Variants in MSMO1 observed in about 807,000 individuals in gnomAD.
The protein encoded by MSMO1 is methylsterol monooxygenase 1.
In MSMO1, 18 loss-of-function variants were observed where a neutral mutation model predicts 30.4. The observed-to-expected ratio is 0.59, with a 90% CI of 0.41 to 0.88. The LOEUF (loss-of-function observed/expected upper bound fraction) is 0.88, where lower values mean the gene tolerates loss of function less well. Ranked by LOEUF, MSMO1 falls within the 40% of genes least tolerant of loss-of-function variation. The probability of loss-of-function intolerance (pLI) is 0.00; values close to 1 mark genes in which losing one functional copy is unlikely to be tolerated. For synonymous variants in MSMO1, 84 were observed against 107.9 expected (o/e 0.78, Z 1.37); for missense variants, 284 against 340.5 (o/e 0.83, Z 1.31).
In MSMO1 at chr4:165,333,292, T is replaced by C. The variant is rs1747449502; in HGVS notation, c.-31-48T>C. The C allele has an allele frequency of 1.3e-5, 19 of 1,472,264 alleles. No homozygotes were observed. The South Asian group carries it at 2.1e-4, about 16-fold the overall frequency. 91.2% of individuals were successfully genotyped at this position (1,472,264 alleles called of 1,614,324 possible). ...GATGCATTTTTTAACTGTTTTATTT[T>C]TTGAAAGCTCATTGTTTAACTTATT... On this transcript the variant is annotated intron_variant, in intron 1 of 5. Transcript: ENST00000261507.
chr4:165,330,119 A>G (rs553546772), intron 1 of MSMO1, among the ~76,000 whole-genome samples: 2 of 152,258 alleles, frequency 1.3e-5, no homozygotes, highest in Non-Finnish European at 2.9e-5. Flanking sequence ...GGTTTTATTT[A>G]TAATTATAGT....
Position 165,331,436 on chromosome 4 carries a change from A to G in MSMO1, c.-31-1904A>G, listed in dbSNP as rs189735859. ...CAAGTTCTTGAGGTAAGATAAGAAC[A>G]CAGGAAGACTAGTCAGTCTTAGAGG... On this transcript the variant is annotated intron_variant, in intron 1 of 5. Transcript: ENST00000261507. Among the ~76,000 whole-genome samples, 24 of 152,360 alleles carry G rather than the reference A, an allele frequency of 1.6e-4. No homozygotes were observed. The East Asian group carries it at 4.6e-3, about 29-fold the overall frequency.
At chr4:165,328,779 C>A (rs1747307487) in intron 1 of MSMO1, among the ~76,000 whole-genome samples, 1 of 152,220 alleles carries the variant, frequency 6.6e-6, no homozygotes. Context: ...TTCCCTCGCT[C>A]CTTTGTGAAA....
Position 165,340,220 on chromosome 4 carries a change from G to T in MSMO1, c.532-1G>T. 1 of 1,613,402 alleles carries T rather than the reference G, an allele frequency of 6.2e-7. No individual in the cohort carries two copies. The highest frequency in any genetic ancestry group is 8.5e-7 in the Non-Finnish European group (1 of 1,179,780). ...AAGAATTTCTTATCTGTTTGTCTTAGGCTCCATTTGGAATGGAAGCTGAAT... is the reference window on the plus strand; with the variant it reads ...AAGAATTTCTTATCTGTTTGTCTTATGCTCCATTTGGAATGGAAGCTGAAT... On this transcript the variant is annotated splice_acceptor_variant, in intron 4 of 5. Coordinates refer to ENST00000261507, the MANE Select transcript of MSMO1 (RefSeq NM_006745.5). LOFTEE classifies it high-confidence loss of function.
chr4:165,342,767 G>A lies in MSMO1; in HGVS notation c.*821G>A, dbSNP rs13918. On this transcript the variant is annotated 3_prime_UTR_variant, in exon 6 of 6. Transcript: ENST00000261507. ...TGAAGCTTCCAAATCAAGAAAAGCC[G>A]GCACCAAGAACTTCCATTCTAATCT... The A allele has an allele frequency of 0.098, 14,976 of 152,198 alleles. 2,366 individuals carry two copies. The highest frequency in any genetic ancestry group is 0.33 in the African/African-American group (13,699 of 41,458). 9.4% of individuals were successfully genotyped at this position (152,198 alleles called of 1,614,324 possible).
chr4:165,337,052 A>G (rs1431867712), intron 2 of MSMO1, among the ~76,000 whole-genome samples: 2 of 152,264 alleles, frequency 1.3e-5, no homozygotes, highest in East Asian at 1.9e-4. Context: ...ATTTAAAACA[A>G]AGCAATAACT....
At chr4:165,333,979 A>G (rs1747470304) in intron 2 of MSMO1, among the ~76,000 whole-genome samples, 1 of 152,182 alleles carries the variant, frequency 6.6e-6, no homozygotes, top group Non-Finnish European at 1.5e-5. Context: ...AAAAGATACA[A>G]AAATACCCAG....
At chr4:165,333,215 T>A in intron 1 of MSMO1, 125 bp from the exon 2 acceptor site, 1 of 707,332 alleles carries the variant, frequency 1.4e-6, no homozygotes, top group Non-Finnish European at 2.2e-6. Context: ...AGTAATTTTT[T>A]GGTAAAAAAT....
At chr4:165,339,860 C>T (rs993932834) in intron 4 of MSMO1, among the ~76,000 whole-genome samples, 9 of 152,180 alleles carry the variant, frequency 5.9e-5, no homozygotes, top group Non-Finnish European at 8.8e-5. Context: ...AAGCAGGCTA[C>T]AGACTAGAAA....
chr4:165,328,830 T>C (rs183038759), intron 1 of MSMO1, among the ~76,000 whole-genome samples: 140 of 152,332 alleles, frequency 9.2e-4, no homozygotes, highest in Admixed American at 1.5e-3. Flanking sequence ...TGTTTCTAAA[T>C]TGGGTAAGAG....
chr4:165,339,096 CTTTTTTTTTTTT>C (rs869192459), intron 4 of MSMO1, among the ~76,000 whole-genome samples: 1 of 60,510 alleles, frequency 1.7e-5, no homozygotes, highest in Non-Finnish European at 2.7e-5. Context: ...ATGAGCACTG[CTTTTTTTTTTTT>C]TTTTTTTTTT....
At chr4:165,338,616 T>A (rs753637985) in intron 3 of MSMO1, 36 bp from the exon 4 acceptor site, 2 of 1,575,420 alleles carry the variant, frequency 1.3e-6, no homozygotes, top group Admixed American at 3.3e-5. Context: ...TAAGTAAAAA[T>A]TATTTCTTAC....
chr4:165,337,692 C>T (rs1021613641), intron 2 of MSMO1, 97 bp from the exon 3 acceptor site: 38 of 1,218,708 alleles, frequency 3.1e-5, no homozygotes, highest in Admixed American at 5.4e-5. Flanking sequence ...ACATAACTGA[C>T]GTAGAATTAA....
At chr4:165,336,049 A>G (rs1201844099) in intron 2 of MSMO1, among the ~76,000 whole-genome samples, 1 of 152,230 alleles carries the variant, frequency 6.6e-6, no homozygotes, top group Non-Finnish European at 1.5e-5. Context: ...CATATGCAAT[A>G]AATGTTTTTA....
At chr4:165,331,320 A>G (rs1000462234) in intron 1 of MSMO1, among the ~76,000 whole-genome samples, 10 of 152,142 alleles carry the variant, frequency 6.6e-5, no homozygotes, top group Admixed American at 2.0e-4. Flanking sequence ...AAAGAAAAAA[A>G]AAAAGAAAAG....
At chr4:165,338,340 A>G (rs1747619433) in intron 3 of MSMO1, among the ~76,000 whole-genome samples, 1 of 150,834 alleles carries the variant, frequency 6.6e-6, no homozygotes, top group Non-Finnish European at 1.5e-5. Context: ...ACACACATAT[A>G]TATATACACA....
chr4:165,331,201 G>A (rs1747379136), intron 1 of MSMO1, among the ~76,000 whole-genome samples: 1 of 152,002 alleles, frequency 6.6e-6, no homozygotes, highest in Non-Finnish European at 1.5e-5. Context: ...AGCTACGAGG[G>A]GCTGAGGTGG....
At chr4:165,338,034 T>C (rs891757831) in intron 3 of MSMO1, 97 bp downstream of exon 3, 16 of 1,170,966 alleles carry the variant, frequency 1.4e-5, no homozygotes, top group Non-Finnish European at 2.0e-5. Context: ...AGTTAATGTT[T>C]GTTCTAAACT....
intron 1 of MSMO1, among the ~76,000 whole-genome samples, chr4:165,329,301 A>G (rs531281012): frequency 6.6e-6 from 1 of 151,994 alleles, no homozygotes; most frequent in African/African-American, 2.4e-5. Context: ...CTCCTGTTCT[A>G]GGTCTCAGTT....
Sources: gnomAD v4.1 joint callset for allele counts (sites outside exome capture counted in the v4.1 genomes callset) on GRCh38, gnomAD v4.1.1 for gene constraint, MANE v1.5 for transcripts, NCBI Gene and HGNC (gene_info 2026-07-23, HGNC 2026-07-21) for gene names.